The following TBC1D5 variants were observed in gnomAD, a reference collection of about 807,000 sequenced individuals.
TBC1D5 encodes TBC1 domain family, member 5.
Under a neutral mutation model 100.3 loss-of-function variants are expected in TBC1D5, and 75 were observed. The ratio of observed to expected loss-of-function variants is 0.75; its 90% CI spans 0.62 to 0.91. The LOEUF (loss-of-function observed/expected upper bound fraction) is 0.91. Ranked by LOEUF, TBC1D5 falls within the 40% of genes least tolerant of loss-of-function variation. TBC1D5 has a pLI of 0.00. For missense variants in TBC1D5, 910 were observed against 942.4 expected (o/e 0.97, Z 0.45); for synonymous variants, 323 against 325.6 (o/e 0.99, Z 0.09).
chr3:17,301,959 A>G (rs907903793), intron 14 of TBC1D5, among the ~76,000 whole-genome samples: 1 of 152,202 alleles, frequency 6.6e-6, no homozygotes, highest in African/African-American at 2.4e-5. Flanking sequence ...TTCTTTCTGT[A>G]TATAATTTTA....
intron 3 of TBC1D5, among the ~76,000 whole-genome samples, chr3:17,444,928 C>T (rs1292803500): frequency 6.6e-6 from 1 of 152,150 alleles, no homozygotes; most frequent in East Asian, 1.9e-4. Flanking sequence ...AAATGTATTC[C>T]TACAGCTACT....
chr3:17,302,030 T>C (rs2082893685), intron 14 of TBC1D5, among the ~76,000 whole-genome samples: 1 of 152,186 alleles, frequency 6.6e-6, no homozygotes, highest in Non-Finnish European at 1.5e-5. Flanking sequence ...AAATTTACTG[T>C]TTCACAATTC....
intron 1 of TBC1D5, among the ~76,000 whole-genome samples, chr3:17,714,351 T>G (rs115638551): frequency 0.017 from 2,558 of 152,232 alleles, 54 homozygotes; most frequent in South Asian, 0.055. Context: ...TTTGATAAAT[T>G]AGGAGCATAG....
rs550200077 is a variant in TBC1D5, at chr3:17,707,376, C to A, written c.-101+31967G>T. Reference sequence around the variant, plus strand: ...TTTTCACAGTTAAGTGTAACTTATTCAAAAAATGTTAGTTAACAAGATTTT... The same window carrying A: ...TTTTCACAGTTAAGTGTAACTTATTAAAAAAATGTTAGTTAACAAGATTTT... On this transcript the variant is annotated intron_variant, in intron 1 of 21. Coordinates refer to ENST00000253692, the Ensembl canonical transcript of TBC1D5. Among the ~76,000 whole-genome samples, 54 of 152,034 alleles carry A rather than the reference C, an allele frequency of 3.6e-4. 1 individual carries two copies. The highest frequency in any genetic ancestry group is 2.1e-3 in the Admixed American group (32 of 15,286).
intron 1 of TBC1D5, among the ~76,000 whole-genome samples, chr3:17,636,934 A>C (rs1013707889): frequency 2.0e-5 from 3 of 152,196 alleles, no homozygotes; most frequent in African/African-American, 7.2e-5. Flanking sequence ...TTTGTAAGAC[A>C]GTAGGGTTAA....
At chr3:17,449,497 G>T (rs1425952204) in intron 3 of TBC1D5, among the ~76,000 whole-genome samples, 1 of 152,160 alleles carries the variant, frequency 6.6e-6, no homozygotes, top group Non-Finnish European at 1.5e-5. Context: ...TGAAATTCTC[G>T]CTGCCAGCAC....
At chr3:17,185,760 T>C (rs556503582) in intron 18 of TBC1D5, among the ~76,000 whole-genome samples, 1 of 152,184 alleles carries the variant, frequency 6.6e-6, no homozygotes, top group South Asian at 2.1e-4. Flanking sequence ...GATAATCTCT[T>C]AAAATGTGAG....
At chr3:17,238,083 TTGG>T (rs1346367603) in intron 17 of TBC1D5, 77 bp downstream of exon 17, 28 of 1,516,360 alleles carry the variant, frequency 1.8e-5, no homozygotes, top group Non-Finnish European at 2.5e-5. Context: ...TTCTAGGAGA[TTGG>T]TTCCTCACAG....
At chr3:17,394,189 G>A (rs1383389790) in intron 8 of TBC1D5, among the ~76,000 whole-genome samples, 1 of 152,122 alleles carries the variant, frequency 6.6e-6, no homozygotes, top group East Asian at 1.9e-4. Context: ...GGCAGAAACA[G>A]TATCTACTTA....
At chr3:17,617,480 T>C (rs2062272121) in intron 2 of TBC1D5, among the ~76,000 whole-genome samples, 1 of 152,254 alleles carries the variant, frequency 6.6e-6, no homozygotes, top group Non-Finnish European at 1.5e-5. Context: ...GATAATATCC[T>C]GAAGACTGTT....
chr3:17,319,642 G>A (rs528754424), intron 13 of TBC1D5, among the ~76,000 whole-genome samples: 45 of 152,036 alleles, frequency 3.0e-4, no homozygotes, highest in African/African-American at 1.0e-3. Context: ...AGGCAGAGGC[G>A]GGCGGATCAC....
intron 18 of TBC1D5, among the ~76,000 whole-genome samples, chr3:17,206,174 T>A (rs2125883432): frequency 6.6e-6 from 1 of 152,262 alleles, no homozygotes; most frequent in Admixed American, 6.5e-5. Context: ...AAGAAATACA[T>A]CAGTGGTTCA....
chr3:17,422,494 A>G lies in TBC1D5; in HGVS notation c.167+5956T>C, dbSNP rs530916245. On this transcript the variant is annotated intron_variant, in intron 4 of 21. Transcript: ENST00000253692. ...AAGCCACTGAGCCTGCTCTCGTCCAATGAGCCAATATTCTTAAAAATAACA... is the reference window on the plus strand; with the variant it reads ...AAGCCACTGAGCCTGCTCTCGTCCAGTGAGCCAATATTCTTAAAAATAACA... Among the ~76,000 whole-genome samples the G allele has an allele frequency of 1.4e-4, 22 of 152,096 alleles. 1 individual carries two copies. The South Asian group carries it at 2.7e-3, about 19-fold the overall frequency.
chr3:17,178,925 A>C (rs2068119829), intron 19 of TBC1D5, among the ~76,000 whole-genome samples: 1 of 152,086 alleles, frequency 6.6e-6, no homozygotes, highest in South Asian at 2.1e-4. Context: ...GATTATAGGC[A>C]TGGCCATGCT....
At chr3:17,267,180 C>T (rs1282250888) in intron 15 of TBC1D5, among the ~76,000 whole-genome samples, 1 of 152,134 alleles carries the variant, frequency 6.6e-6, no homozygotes, top group Non-Finnish European at 1.5e-5. Context: ...AATGTATTTA[C>T]ATTTTTGAAT....
intron 3 of TBC1D5, among the ~76,000 whole-genome samples, chr3:17,431,218 T>C (rs781052987): frequency 6.6e-6 from 1 of 151,964 alleles, no homozygotes; most frequent in East Asian, 1.9e-4. Context: ...TGAACTAAGT[T>C]GTCAGGTAGC....
At chr3:17,416,583 A>C (rs2094079171) in intron 4 of TBC1D5, among the ~76,000 whole-genome samples, 1 of 152,250 alleles carries the variant, frequency 6.6e-6, no homozygotes. Flanking sequence ...CATGTGGTTA[A>C]ATAAGTCAAC....
At chr3:17,416,170 C>A (rs1027018960) in intron 4 of TBC1D5, among the ~76,000 whole-genome samples, 1 of 152,072 alleles carries the variant, frequency 6.6e-6, no homozygotes, top group African/African-American at 2.4e-5. Flanking sequence ...ATATTAAAAT[C>A]AATTATATTT....
chr3:17,225,761 T>A (rs779312963), intron 17 of TBC1D5, among the ~76,000 whole-genome samples: 6 of 152,036 alleles, frequency 3.9e-5, no homozygotes, highest in Non-Finnish European at 8.8e-5. Context: ...GGACAATTAC[T>A]TGAGCCCAGG....
Sources: allele counts gnomAD v4.1 joint callset (sites outside exome capture counted in the v4.1 genomes callset), GRCh38; gene constraint gnomAD v4.1.1; transcripts MANE v1.5; gene names NCBI Gene and HGNC (gene_info 2026-07-23, HGNC 2026-07-21).